Variants in NKD1 observed in about 807,000 individuals in gnomAD.
NKD1 encodes the protein protein naked cuticle homolog 1.
In NKD1, 21 loss-of-function variants were observed where a neutral mutation model predicts 56.0. That is an observed-to-expected ratio of 0.38 (90% CI 0.27 to 0.54). NKD1 has a LOEUF of 0.54. Ranked by LOEUF, NKD1 falls within the 20% of genes least tolerant of loss-of-function variation. The pLI, the probability that NKD1 is intolerant of heterozygous loss-of-function variation, is 0.82. For missense variants in NKD1, 578 were observed against 642.7 expected (o/e 0.90, Z 1.09); for synonymous variants, 263 against 265.7 (o/e 0.99, Z 0.10).
intron 3 of NKD1, among the ~76,000 whole-genome samples, chr16:50,587,380 A>G (rs1468021360): frequency 6.6e-6 from 1 of 152,202 alleles, no homozygotes; most frequent in African/African-American, 2.4e-5. Flanking sequence ...TGCAGGTGGC[A>G]CCTAACCTAG....
chr16:50,591,181 G>A (rs1268323818), intron 3 of NKD1, among the ~76,000 whole-genome samples: 1 of 152,114 alleles, frequency 6.6e-6, no homozygotes, highest in African/African-American at 2.4e-5. Flanking sequence ...CTGACTGTTA[G>A]GCTGAGGCTG....
chr16:50,625,663 C>T lies in NKD1; in HGVS notation c.462+83C>T. ...GCACAGCACCCTGCCACTGCCACTT[C>T]TCTCCCCTGCATCGGTCCTGCCCCT... On this transcript the variant is annotated intron_variant, in intron 6 of 9. Transcript: ENST00000268459. The T allele has an allele frequency of 4.7e-6, 4 of 849,070 alleles. No homozygotes were observed. The South Asian group carries it at 5.7e-5, about 12-fold the overall frequency. 52.6% of individuals were successfully genotyped at this position (849,070 alleles called of 1,614,324 possible).
Position 50,633,290 on chromosome 16 carries a change from C to T in NKD1, c.922C>T (p.Arg308Ter), listed in dbSNP as rs1962387794. Reference sequence around the variant, plus strand: ...GCCGGAAGCCATCCACATCCCACACCGAAAGCCCCAAGGCGTGGACCCGGC... The same window carrying T: ...GCCGGAAGCCATCCACATCCCACACTGAAAGCCCCAAGGCGTGGACCCGGC... Reference protein sequence around the residue: ...HEPEAIHIPHRKPQGVDPASF... With the variant: ...HEPEAIHIPH Residue 308 changes from arginine (R) to a stop codon, truncating the protein, a stop_gained, in exon 10 of 10, where the codon CGA (arginine) becomes TGA (stop). Coordinates refer to ENST00000268459, the MANE Select transcript of NKD1 (RefSeq NM_033119.5). LOFTEE classifies it high-confidence loss of function. This position sits in a 1 kb window ranked among gnomAD's most constrained non-coding sequence, Gnocchi z 4.9. The T allele has an allele frequency of 6.2e-7, 1 of 1,614,136 alleles. No homozygotes were observed. The highest frequency in any genetic ancestry group is 8.5e-7 in the Non-Finnish European group (1 of 1,180,010).
At chr16:50,562,990 C>CCCCT (rs1960673022) in intron 3 of NKD1, among the ~76,000 whole-genome samples, 2 of 109,990 alleles carry the variant, frequency 1.8e-5, no homozygotes, top group African/African-American at 8.4e-5. Context: ...ACCACCACCC[C>CCCCT]CCCCCCCCGC....
At chr16:50,604,583 T>C (rs569222079) in intron 3 of NKD1, among the ~76,000 whole-genome samples, 2 of 152,314 alleles carry the variant, frequency 1.3e-5, no homozygotes, top group East Asian at 3.9e-4. Context: ...GATATCCTTA[T>C]TGCTGTCGCC....
chr16:50,604,429 G>A (rs1036882981), intron 3 of NKD1, among the ~76,000 whole-genome samples: 1 of 152,198 alleles, frequency 6.6e-6, no homozygotes, highest in Non-Finnish European at 1.5e-5. Context: ...TGTCCCAGCA[G>A]TGTTCTGGTC....
At chr16:50,548,839 C>A in intron 2 of NKD1, 90 bp downstream of exon 2, 1 of 1,276,480 alleles carries the variant, frequency 7.8e-7, no homozygotes, top group Non-Finnish European at 1.0e-6. Flanking sequence ...GTCTTATGAC[C>A]AGGGCCACCC....
At chr16:50,628,537 C>T (rs968972920) in intron 6 of NKD1, among the ~76,000 whole-genome samples, 3 of 152,202 alleles carry the variant, frequency 2.0e-5, no homozygotes, top group African/African-American at 7.2e-5. Context: ...CATTGCCCTG[C>T]ACCCCAACAC....
chr16:50,596,902 G>A (rs1961484662), intron 3 of NKD1, among the ~76,000 whole-genome samples: 3 of 152,216 alleles, frequency 2.0e-5, no homozygotes, highest in South Asian at 2.1e-4. Flanking sequence ...AGGGAACAGC[G>A]TGTGTGAAGA....
chr16:50,578,564 C>G (rs1351326088), intron 3 of NKD1, among the ~76,000 whole-genome samples: 1 of 152,170 alleles, frequency 6.6e-6, no homozygotes, highest in Admixed American at 6.5e-5. Context: ...TGATGTTCCC[C>G]TGGGGATCTA....
intron 4 of NKD1, chr16:50,613,686 T>G (rs1961899238): frequency 7.2e-6 from 1 of 137,962 alleles, no homozygotes; most frequent in Non-Finnish European, 1.5e-5. Context: ...TTTAATAGTT[T>G]CAAGTAGCTC....
intron 2 of NKD1, 31 bp from the exon 3 acceptor site, chr16:50,549,391 A>G (rs1027790779): frequency 6.2e-6 from 10 of 1,603,824 alleles, no homozygotes; most frequent in Admixed American, 1.7e-5. Context: ...CTGGAGCCAG[A>G]CTCAGGGGCT....
Position 50,625,556 on chromosome 16 carries a change from C to T in NKD1, c.438C>T (p.Asp146=). 6.2e-7 allele frequency: 1 copy of T among 1,613,372 alleles called. No homozygotes were observed. The highest frequency in any genetic ancestry group is 8.5e-7 in the Non-Finnish European group (1 of 1,179,326). ...GGACCTTCACCCTGTATGACTTTGACAACAACGGCAAGGTCACCCGAGAGG... is the reference window on the plus strand; with the variant it reads ...GGACCTTCACCCTGTATGACTTTGATAACAACGGCAAGGTCACCCGAGAGG... ...QEWTFTLYDF[D]NNGKVTREDI... The change falls in exon 6 of 10, where the codon GAC becomes GAT. Residue 146 remains aspartate, a synonymous_variant. Transcript: ENST00000268459.
rs1192483228 is a variant in NKD1, at chr16:50,608,278, C to A, written c.193-16C>A. 3 of 1,602,412 alleles carry A rather than the reference C, an allele frequency of 1.9e-6. No individual in the cohort carries two copies. Among genetic ancestry groups the A allele is most frequent in the Non-Finnish European group, 2.6e-6 (3 of 1,169,654 alleles). On this transcript the variant is annotated splice_polypyrimidine_tract_variant and intron_variant, in intron 3 of 9. Transcript: ENST00000268459. Reference sequence around the variant, plus strand: ...CCCCAACCCCTGCTCAATGCCTCTGCTCTGTCTTCTTGTAGGAGCTCGTGG... The same window carrying A: ...CCCCAACCCCTGCTCAATGCCTCTGATCTGTCTTCTTGTAGGAGCTCGTGG...
intron 3 of NKD1, among the ~76,000 whole-genome samples, chr16:50,580,268 G>A (rs899836568): frequency 6.6e-6 from 1 of 152,262 alleles, no homozygotes; most frequent in African/African-American, 2.4e-5. Context: ...TCCCCTTGAT[G>A]GACTGGCCAT....
intron 3 of NKD1, among the ~76,000 whole-genome samples, chr16:50,576,412 A>G (rs973369149): frequency 3.3e-5 from 5 of 152,154 alleles, no homozygotes; most frequent in Admixed American, 3.3e-4. Context: ...ATAATGAATG[A>G]CTCATAAGAT....
In NKD1 at chr16:50,632,307, A is replaced by C; in HGVS notation, c.722A>C (p.Gln241Pro). ...LRFQGDSRLE[Q>P]SGCYHHCVDE... ...TTCCAGGGTGACAGCCGCCTGGAGC[A>C]GTCTGGCTGCTACCACCATTGCGTA... The change falls in exon 9 of 10, where the codon CAG becomes CCG. Residue 241 changes from glutamine (Q) to proline (P), a missense_variant. Coordinates refer to ENST00000268459, the MANE Select transcript of NKD1 (RefSeq NM_033119.5). This position sits in a 1 kb window ranked among gnomAD's most constrained non-coding sequence, Gnocchi z 4.1. 7 of 1,614,126 alleles carry C rather than the reference A, an allele frequency of 4.3e-6. No homozygotes were observed. The highest frequency in any genetic ancestry group is 5.9e-6 in the Non-Finnish European group (7 of 1,179,942).
chr16:50,599,560 C>T (rs935192618), intron 3 of NKD1, among the ~76,000 whole-genome samples: 5 of 152,128 alleles, frequency 3.3e-5, no homozygotes, highest in Admixed American at 2.6e-4. Context: ...TCGGTGATGC[C>T]CCTAACGTGC....
At chr16:50,550,548 G>A (rs1960359372) in intron 3 of NKD1, among the ~76,000 whole-genome samples, 1 of 152,038 alleles carries the variant, frequency 6.6e-6, no homozygotes, top group African/African-American at 2.4e-5. Context: ...CAGTTCCTGT[G>A]TGTGGATGAA....
Sources: gnomAD v4.1 joint callset for allele counts (sites outside exome capture counted in the v4.1 genomes callset) on GRCh38, gnomAD v4.1.1 for gene constraint, Gnocchi (gnomAD v3.1) non-coding constraint, MANE v1.5 for transcripts, NCBI Gene and HGNC (gene_info 2026-07-23, HGNC 2026-07-21) for gene names.